Variants in KIF11 observed in about 807,000 individuals in gnomAD.
KIF11 encodes the protein kinesin family member 11.
KIF11 carries 9 observed loss-of-function variants against 121.0 expected under a neutral mutation model. The ratio of observed to expected loss-of-function variants is 0.07; its 90% CI spans 0.04 to 0.13. The LOEUF (loss-of-function observed/expected upper bound fraction) is 0.13. Ranked by LOEUF, KIF11 falls within the 10% of genes least tolerant of loss-of-function variation. The probability of loss-of-function intolerance (pLI) is 1.00; values close to 1 mark genes in which losing one functional copy is unlikely to be tolerated. For missense variants in KIF11, 846 were observed against 1,217.5 expected, an observed-to-expected ratio of 0.69 and a Z score of 4.54; for synonymous variants, 408 against 421.0, an observed-to-expected ratio of 0.97 and a Z score of 0.38.
intron 12 of KIF11, among the ~76,000 whole-genome samples, chr10:92,631,378 G>A (rs1211751792): frequency 2.1e-5 from 3 of 142,422 alleles, no homozygotes; most frequent in Non-Finnish European, 4.5e-5. Flanking sequence ...TTTTTGAGAC[G>A]GAGTCTCGCT....
intron 11 of KIF11, among the ~76,000 whole-genome samples, chr10:92,629,888 G>A (rs1844717761): frequency 6.6e-6 from 1 of 152,110 alleles, no homozygotes; most frequent in African/African-American, 2.4e-5. Context: ...GAGTGCTGGG[G>A]TTACAGGTGT....
At chr10:92,614,799 T>C (rs779424281) in intron 8 of KIF11, among the ~76,000 whole-genome samples, 1 of 152,126 alleles carries the variant, frequency 6.6e-6, no homozygotes, top group Non-Finnish European at 1.5e-5. Context: ...TTTTTTACTT[T>C]TAGAGGTAGA....
In KIF11 at chr10:92,609,266, CAGAGAGAGAGAGAGAGAGAG is replaced by C. The variant is rs3835295; in HGVS notation, c.573+80_574-81del. The C allele has an allele frequency of 2.1e-5, 16 of 747,422 alleles. No homozygotes were observed. In the East Asian group the frequency reaches 3.1e-4, roughly 15 times the overall value. The allele number at this position is 747,422 out of a possible 1,614,324, so 46.3% of individuals were successfully genotyped here. On this transcript the variant is annotated intron_variant, in intron 5 of 21. Transcript: ENST00000260731. Reference sequence around the variant, plus strand: ...TTTAATGTGTGAGGCTTTGAGAAGTCAGAGAGAGAGAGAGAGAGAGAGAGAGAGAGAGAGAGAGTGTGTGT... The same window carrying C: ...TTTAATGTGTGAGGCTTTGAGAAGTCAGAGAGAGAGAGAGAGAGTGTGTGT...
intron 6 of KIF11, among the ~76,000 whole-genome samples, chr10:92,609,964 T>C (rs1439058915): frequency 6.6e-6 from 1 of 152,192 alleles, no homozygotes; most frequent in African/African-American, 2.4e-5. Context: ...CTCGAACTCC[T>C]GACCTCAGGT....
rs566215755 is a variant in KIF11 at position 92,622,032 on chromosome 10, T to C, written c.1217+559T>C. The stretch of plus-strand genomic sequence containing the variant: ...GCTCACACCTGTGAATCCCAGCACT[T>C]TGGGAGGCCAAGGCAGGCAGATCAC... On this transcript the variant is annotated intron_variant, in intron 10 of 21. Transcript: ENST00000260731. Among the ~76,000 whole-genome samples the C allele has an allele frequency of 5.9e-5, 9 of 152,268 alleles. No individual in the cohort carries two copies. In the South Asian group the frequency reaches 1.7e-3, roughly 28 times the overall value.
chr10:92,606,537 A>G (rs1220662918), intron 2 of KIF11, 82 bp from the exon 3 acceptor site: 1 of 1,155,686 alleles, frequency 8.7e-7, no homozygotes, highest in Non-Finnish European at 1.2e-6. Flanking sequence ...CTGAATTATG[A>G]ATTAGTTAAC....
At chr10:92,628,764 G>A in intron 10 of KIF11, 44 bp from the exon 11 acceptor site, 1 of 1,078,072 alleles carries the variant, frequency 9.3e-7, no homozygotes, top group Non-Finnish European at 1.4e-6. Flanking sequence ...ATAGGAGTTA[G>A]AAAAAAATAT....
In KIF11 at chr10:92,645,658, G is replaced by A; in HGVS notation, c.2547+16G>A. ...CTTATTGGAGGTAATAACTTTGTAA[G>A]TGGAACTTACTTTGGGGAGAATAAT... On this transcript the variant is annotated intron_variant, in intron 18 of 21. Coordinates refer to ENST00000260731, the MANE Select transcript of KIF11 (RefSeq NM_004523.4). The A allele has an allele frequency of 6.5e-7, 1 of 1,540,230 alleles. No individual in the cohort carries two copies. The highest frequency in any genetic ancestry group is 8.8e-7 in the Non-Finnish European group (1 of 1,140,394).
intron 1 of KIF11, among the ~76,000 whole-genome samples, chr10:92,596,009 T>C (rs1844291376): frequency 6.6e-6 from 1 of 152,162 alleles, no homozygotes; most frequent in Non-Finnish European, 1.5e-5. Flanking sequence ...TTTTTTGTTG[T>C]TGTTGTTTTT....
rs893358388 is a variant in KIF11, at chr10:92,613,286, C to T, written c.790-91C>T. 22 of 1,086,632 alleles carry T rather than the reference C, an allele frequency of 2.0e-5. No homozygotes were observed. In the East Asian group the frequency reaches 3.1e-4, roughly 15 times the overall value. 67.3% of individuals were successfully genotyped at this position (1,086,632 alleles called of 1,614,324 possible). ...ATTACAGAAAAAATTATTTTGCTGG[C>T]GATTTAATACATTATGTATCCTGTG... On this transcript the variant is annotated intron_variant, in intron 7 of 21. Transcript: ENST00000260731. This position sits in a 1 kb window ranked among gnomAD's most constrained non-coding sequence, Gnocchi z 4.2.
At chr10:92,618,418 G>A (rs984423303) in intron 9 of KIF11, among the ~76,000 whole-genome samples, 27 of 151,854 alleles carry the variant, frequency 1.8e-4, no homozygotes, top group African/African-American at 6.5e-4. Flanking sequence ...GCCGAGGTAG[G>A]CGGATTGCTT....
intron 8 of KIF11, among the ~76,000 whole-genome samples, chr10:92,614,063 CACATAT>C (rs1278661295): frequency 3.3e-5 from 4 of 119,556 alleles, no homozygotes; most frequent in African/African-American, 1.3e-4. Context: ...CACACACACA[CACATAT>C]AGTAGGGAAA....
chr10:92,624,604 G>A (rs763324588), intron 10 of KIF11, among the ~76,000 whole-genome samples: 5 of 152,064 alleles, frequency 3.3e-5, no homozygotes, highest in African/African-American at 1.2e-4. Context: ...TCTTTATCCA[G>A]TCTGCTGTGG....
chr10:92,621,260 T>TA (rs1292250100), intron 9 of KIF11, 125 bp from the exon 10 acceptor site: 1 of 516,954 alleles, frequency 1.9e-6, no homozygotes, highest in African/African-American at 2.0e-5. Flanking sequence ...TATAACTTTT[T>TA]ATCATACTTC....
At chr10:92,647,723 A>G (rs912306822) in intron 18 of KIF11, among the ~76,000 whole-genome samples, 4 of 152,184 alleles carry the variant, frequency 2.6e-5, no homozygotes, top group Non-Finnish European at 4.4e-5. Context: ...CTGTTGGTAA[A>G]TGTCTGTACT....
At chr10:92,639,207 T>C (rs1589604889) in intron 16 of KIF11, among the ~76,000 whole-genome samples, 1 of 152,210 alleles carries the variant, frequency 6.6e-6, no homozygotes, top group Non-Finnish European at 1.5e-5. Flanking sequence ...TAATGTGATA[T>C]ATGGGTTGTT....
In KIF11 at chr10:92,609,068, A is replaced by G; in HGVS notation, c.436A>G (p.Lys146Glu). The G allele has an allele frequency of 3.1e-6, 5 of 1,597,140 alleles. No individual in the cohort carries two copies. The highest frequency in any genetic ancestry group is 4.3e-6 in the Non-Finnish European group (5 of 1,173,140). Residue 146 changes from lysine to glutamate, a missense_variant, in exon 5 of 22, where the codon AAA becomes GAA. By Grantham distance (56) the Lys-to-Glu change is moderately conservative. Coordinates refer to ENST00000260731, the MANE Select transcript of KIF11 (RefSeq NM_004523.4). ...IPRTLHQIFE[K>E]LTDNGTEFSV... The stretch of plus-strand genomic sequence containing the variant: ...ACGTACCCTTCATCAAATTTTTGAG[A>G]AACTTACTGATAATGGTACTGAATT...
intron 17 of KIF11, among the ~76,000 whole-genome samples, chr10:92,643,650 A>G (rs544604584): frequency 6.9e-6 from 1 of 145,494 alleles, no homozygotes; most frequent in South Asian, 2.1e-4. Context: ...TCTGCCTCCC[A>G]GGTTCAAGCA....
intron 6 of KIF11, among the ~76,000 whole-genome samples, chr10:92,611,313 C>T (rs1275190263): frequency 6.6e-6 from 1 of 151,842 alleles, no homozygotes; most frequent in African/African-American, 2.4e-5. Context: ...CCCGGGTTCA[C>T]GCCATTCTCC....
Sources: allele counts gnomAD v4.1 joint callset (sites outside exome capture counted in the v4.1 genomes callset), GRCh38; gene constraint gnomAD v4.1.1; non-coding constraint Gnocchi (gnomAD v3.1); transcripts MANE v1.5; gene names NCBI Gene and HGNC (gene_info 2026-07-23, HGNC 2026-07-21).